FBLIM1: variants seen among roughly 807,000 people sequenced by gnomAD.
The protein encoded by FBLIM1 is filamin binding LIM protein 1, also known as filamin-binding LIM protein 1.
FBLIM1 carries 29 observed loss-of-function variants against 37.4 expected under a neutral mutation model. The ratio of observed to expected loss-of-function variants is 0.77; its 90% CI spans 0.58 to 1.06. The LOEUF is 1.06. Among genes scored for constraint, FBLIM1 ranks in the 50% least tolerant of loss-of-function variants. The pLI is 0.00. For synonymous variants in FBLIM1, 193 were observed against 199.0 expected (o/e 0.97, Z 0.25); for missense variants, 449 against 505.6 (o/e 0.89, Z 1.07).
At chr1:15,761,508 G>A (rs184557464) in intron 1 of FBLIM1, among the ~76,000 whole-genome samples, 2 of 152,272 alleles carry the variant, frequency 1.3e-5, no homozygotes, top group East Asian at 1.9e-4. Context: ...TCAGCAAGTC[G>A]TTTGGTATTT....
rs2068866198 is a variant in FBLIM1, at chr1:15,765,363, A to T, written c.250+130A>T. 11 of 1,323,120 alleles carry T rather than the reference A, an allele frequency of 8.3e-6. No homozygotes were observed. Among genetic ancestry groups the T allele is most frequent in the Admixed American group, 2.6e-5 (1 of 38,118 alleles). The allele number at this position is 1,323,120 out of a possible 1,614,324, so 82.0% of individuals were successfully genotyped here. ...ATTCACACATCAACGGGAAACAAAAAGATGTGCCCCTTCTGGGTGGGCAAG... is the reference window on the plus strand; with the variant it reads ...ATTCACACATCAACGGGAAACAAAATGATGTGCCCCTTCTGGGTGGGCAAG... On this transcript the variant is annotated intron_variant, in intron 3 of 8. Transcript: ENST00000375766. This position sits in a 1 kb window ranked among gnomAD's most constrained non-coding sequence, Gnocchi z 5.9.
intron 1 of FBLIM1, among the ~76,000 whole-genome samples, chr1:15,762,757 G>A (rs921677951): frequency 3.9e-5 from 6 of 152,208 alleles, no homozygotes; most frequent in African/African-American, 1.4e-4. Flanking sequence ...CCGGTCAGAC[G>A]CATTGATAGT....
chr1:15,782,862 G>A (rs2069678006), intron 8 of FBLIM1, among the ~76,000 whole-genome samples: 1 of 147,904 alleles, frequency 6.8e-6, no homozygotes. Flanking sequence ...AGGCTGGAGT[G>A]CAGTGGCGCG....
In FBLIM1 at chr1:15,764,555, A is replaced by C; in HGVS notation, c.-151A>C. ...AGGAGAATCTGATCCCAGGTGAGGG[A>C]GGTCACTTGGGGTGTGGCCCAGCAG... On this transcript the variant is annotated 5_prime_UTR_variant, in exon 2 of 9. Transcript: ENST00000375766. 1 of 170,794 alleles carries C rather than the reference A, an allele frequency of 5.9e-6. No individual in the cohort carries two copies. The highest frequency in any genetic ancestry group is 1.8e-4 in the East Asian group (1 of 5,702). 10.6% of individuals were successfully genotyped at this position (170,794 alleles called of 1,614,324 possible).
Position 15,767,392 on chromosome 1 carries a change from T to G in FBLIM1, c.267T>G (p.Pro89=). The G allele has an allele frequency of 5.2e-6, 7 of 1,346,164 alleles. No homozygotes were observed. Among genetic ancestry groups the G allele is most frequent in the African/African-American group, 1.9e-5 (1 of 52,674 alleles). The allele number at this position is 1,346,164 out of a possible 1,614,324, so 83.4% of individuals were successfully genotyped here. ...QLFNGGCPPP[P]PVLDGEDVLP... ...CCATTGCAGGATGCCCACCCCCTCC[T>G]CCTGTCCTGGATGGTGAGGACGTGC... Residue 89 remains proline, a synonymous_variant, in exon 4 of 9, where the codon CCT becomes CCG. Transcript: ENST00000375766.
chr1:15,780,958 C>T (rs1339843822), intron 8 of FBLIM1, among the ~76,000 whole-genome samples: 1 of 152,132 alleles, frequency 6.6e-6, no homozygotes, highest in Non-Finnish European at 1.5e-5. Context: ...CCAGCAGTGA[C>T]TGGCACCTTC....
rs1222723687 is a variant in FBLIM1, at chr1:15,765,007, G to A, written c.24G>A (p.Arg8=). 1.9e-6 allele frequency: 3 copies of A among 1,613,576 alleles called. No homozygotes were observed. Among genetic ancestry groups the A allele is most frequent in the African/African-American group, 2.7e-5 (2 of 74,918 alleles). MASKPEK[R]VASSVFITLA... ...CCATGGCCTCAAAGCCTGAGAAGAG[G>A]GTGGCATCGTCTGTCTTTATCACCC... The change falls in exon 3 of 9, where the codon AGG becomes AGA. Residue 8 remains arginine (R), a synonymous_variant. Coordinates refer to ENST00000375766, the MANE Select transcript of FBLIM1 (RefSeq NM_017556.4). This position sits in a 1 kb window ranked among gnomAD's most constrained non-coding sequence, Gnocchi z 5.9.
At chr1:15,779,407 C>T (rs374472697) in intron 8 of FBLIM1, among the ~76,000 whole-genome samples, 1 of 152,030 alleles carries the variant, frequency 6.6e-6, no homozygotes, top group African/African-American at 2.4e-5. Context: ...TGGGTTCATG[C>T]GGTTCTCCTG....
intron 6 of FBLIM1, among the ~76,000 whole-genome samples, chr1:15,771,339 C>A (rs1054137514): frequency 6.6e-6 from 1 of 151,680 alleles, no homozygotes; most frequent in Non-Finnish European, 1.5e-5. Context: ...CTCTGCTTCC[C>A]GGGTTGAAGC....
chr1:15,761,106 T>C (rs558394242), intron 1 of FBLIM1, among the ~76,000 whole-genome samples: 2 of 150,546 alleles, frequency 1.3e-5, no homozygotes, highest in South Asian at 4.2e-4. Context: ...CCCGGAGGAG[T>C]GTAGGAAGGG....
intron 3 of FBLIM1, among the ~76,000 whole-genome samples, chr1:15,766,115 C>T (rs1484866116): frequency 6.7e-6 from 1 of 149,470 alleles, no homozygotes; most frequent in South Asian, 2.1e-4. Flanking sequence ...TTTTTTTTTT[C>T]GAGACAGGGT....
In FBLIM1 at chr1:15,777,307, T is replaced by A. The variant is rs1440030641; in HGVS notation, c.1008+20T>A. The A allele has an allele frequency of 1.9e-6, 3 of 1,570,726 alleles. No individual in the cohort carries two copies. The highest frequency in any genetic ancestry group is 2.6e-6 in the Non-Finnish European group (3 of 1,142,870). ...TGTGAGGTGAGTGGAGCCTAGGTGG[T>A]TTAATAACATTCCATTGCTGCGTGC... On this transcript the variant is annotated intron_variant, in intron 8 of 8. Coordinates refer to ENST00000375766, the MANE Select transcript of FBLIM1 (RefSeq NM_017556.4).
chr1:15,758,674 CCGCGCCCCCT>C (rs1372473634), upstream of FBLIM1: 1 of 151,220 alleles, frequency 6.6e-6, no homozygotes, highest in Non-Finnish European at 1.5e-5. This position sits in a 1 kb window ranked among gnomAD's most constrained non-coding sequence, Gnocchi z 6.2. Context: ...GGCGGGAATC[CCGCGCCCCCT>C]CCCCCCGAGC....
chr1:15,780,421 A>G (rs2069606118), intron 8 of FBLIM1, among the ~76,000 whole-genome samples: 1 of 152,104 alleles, frequency 6.6e-6, no homozygotes, highest in Non-Finnish European at 1.5e-5. Context: ...CCTGGTGTTG[A>G]ACTCCTGATC....
At chr1:15,767,835 CCT>C (rs1364711799) in intron 4 of FBLIM1, among the ~76,000 whole-genome samples, 4 of 152,142 alleles carry the variant, frequency 2.6e-5, no homozygotes, top group African/African-American at 9.7e-5. Flanking sequence ...AAGACGTTTC[CCT>C]GAGTCCGACC....
intron 3 of FBLIM1, among the ~76,000 whole-genome samples, chr1:15,766,465 T>A (rs1290751036): frequency 6.6e-6 from 1 of 151,878 alleles, no homozygotes. Context: ...CCCAGCTGAT[T>A]TTTGTATTTT....
chr1:15,771,249 GTTT>G (rs56244044), intron 6 of FBLIM1, among the ~76,000 whole-genome samples: 4 of 133,652 alleles, frequency 3.0e-5, no homozygotes, highest in African/African-American at 8.4e-5. Flanking sequence ...GTTTTTTTTT[GTTT>G]TTTTTTTTTT....
At chr1:15,768,739 T>A in intron 5 of FBLIM1, 109 bp downstream of exon 5, 2 of 666,740 alleles carry the variant, frequency 3.0e-6, no homozygotes, top group South Asian at 7.3e-5. Flanking sequence ...CCACCCCAGC[T>A]CATGTTAACA....
chr1:15,778,645 CTT>C lies in FBLIM1; in HGVS notation c.1008+1369_1008+1370del, dbSNP rs57110270. ...TCAGAGGAAGTGGAAGCTTCTTTTT[CTT>C]TTTTTTTTTTGAGATGGGATTTCAC... On this transcript the variant is annotated intron_variant, in intron 8 of 8. Coordinates refer to ENST00000375766, the MANE Select transcript of FBLIM1 (RefSeq NM_017556.4). 8.9e-3 allele frequency among the ~76,000 whole-genome samples: 1,301 copies of C among 146,936 alleles called. 20 individuals are homozygous for C. Among genetic ancestry groups the C allele is most frequent in the African/African-American group, 0.03 (1,206 of 40,196 alleles).
Sources: allele counts gnomAD v4.1 joint callset (sites outside exome capture counted in the v4.1 genomes callset), GRCh38; gene constraint gnomAD v4.1.1; non-coding constraint Gnocchi (gnomAD v3.1); transcripts MANE v1.5; gene names NCBI Gene and HGNC (gene_info 2026-07-23, HGNC 2026-07-21).